Variants in CNOT10 observed in about 807,000 individuals in gnomAD.
CNOT10 encodes CCR4-NOT transcription complex subunit 10.
In CNOT10, 30 loss-of-function variants were observed where a neutral mutation model predicts 94.6. The observed-to-expected ratio is 0.32, with a 90% confidence interval of 0.24 to 0.43. The LOEUF is 0.43. Ranked by LOEUF, CNOT10 falls within the 20% of genes least tolerant of loss-of-function variation. CNOT10 has a pLI of 1.00. For synonymous variants in CNOT10, 289 were observed against 301.6 expected, an observed-to-expected ratio of 0.96 and a Z score of 0.43; for missense variants, 759 against 877.2, an observed-to-expected ratio of 0.87 and a Z score of 1.70.
chr3:32,744,238 A>G (rs1013015737), intron 13 of CNOT10, among the ~76,000 whole-genome samples: 1 of 152,196 alleles, frequency 6.6e-6, no homozygotes, highest in Non-Finnish European at 1.5e-5. Flanking sequence ...TTGAGATTTC[A>G]TCTATTTCTG....
intron 8 of CNOT10, among the ~76,000 whole-genome samples, chr3:32,725,195 A>C (rs180901267): frequency 7.2e-5 from 11 of 152,340 alleles, no homozygotes; most frequent in African/African-American, 2.6e-4. Flanking sequence ...AGGAAAAAAA[A>C]ATCCACAAAA....
chr3:32,685,198 G>T lies in CNOT10; in HGVS notation c.-263G>T, dbSNP rs965748010. ...GCCGCCCCCGGAAGTAGTGGGTACCGGGACGCCGTGAGGCGGAAGCTGTGT... is the reference window on the plus strand; with the variant it reads ...GCCGCCCCCGGAAGTAGTGGGTACCTGGACGCCGTGAGGCGGAAGCTGTGT... On this transcript the variant is annotated 5_prime_UTR_variant, in exon 1 of 19. Coordinates refer to ENST00000328834, the MANE Select transcript of CNOT10 (RefSeq NM_015442.3). The T allele has an allele frequency of 2.0e-5, 8 of 395,266 alleles. No homozygotes were observed. The highest frequency in any genetic ancestry group is 6.7e-5 in the South Asian group (2 of 29,812). The allele number at this position is 395,266 out of a possible 1,614,324, so 24.5% of individuals were successfully genotyped here. A position where few individuals can be genotyped will look rare whatever the true frequency, so the allele number is the denominator to read the frequency against.
At chr3:32,773,430 GT>G in intron 18 of CNOT10, 26 bp from the exon 19 acceptor site, 1 of 1,599,430 alleles carries the variant, frequency 6.3e-7, no homozygotes, top group Non-Finnish European at 8.5e-7. Flanking sequence ...TCTGTGCTTT[GT>G]TTTTTAACGG....
intron 14 of CNOT10, among the ~76,000 whole-genome samples, chr3:32,761,324 C>T (rs1239056693): frequency 1.3e-5 from 2 of 152,074 alleles, no homozygotes; most frequent in African/African-American, 2.4e-5. Flanking sequence ...ACTCAAAATG[C>T]CAATGTTGGG....
At chr3:32,728,831 G>T (rs753031025) in intron 10 of CNOT10, among the ~76,000 whole-genome samples, 1 of 151,470 alleles carries the variant, frequency 6.6e-6, no homozygotes, top group Middle Eastern at 3.5e-3. Context: ...GCCAGGTGCG[G>T]TGGTCACGCC....
At chr3:32,764,384 A>G in intron 15 of CNOT10, 71 bp from the exon 16 acceptor site, 1 of 1,481,280 alleles carries the variant, frequency 6.8e-7, no homozygotes, top group Non-Finnish European at 9.3e-7. Context: ...CTACCTTCTG[A>G]GCCCGAGGAG....
chr3:32,750,900 T>C (rs1270149648), intron 13 of CNOT10, among the ~76,000 whole-genome samples: 1 of 152,328 alleles, frequency 6.6e-6, no homozygotes, highest in South Asian at 2.1e-4. Flanking sequence ...GTCATGGGTA[T>C]GAACTGACTC....
At position 32,764,785 on chromosome 3, in the gene CNOT10, C is replaced by A; in HGVS notation, c.1980C>A (p.Asp660Glu). 2 of 1,614,190 alleles carry A rather than the reference C, an allele frequency of 1.2e-6. No homozygotes were observed. The highest frequency in any genetic ancestry group is 1.7e-5 in the Admixed American group (1 of 60,018). The change falls in exon 17 of 19, where the codon GAC becomes GAA. Residue 660 changes from aspartate (D) to glutamate (E), a missense_variant. Around this residue, in one of 3 missense-constraint regions of CNOT10, gnomAD observed 682 missense variants for 799.4 expected, o/e 0.85. Coordinates refer to ENST00000328834, the MANE Select transcript of CNOT10 (RefSeq NM_015442.3). ...GSAYCLRSEYDKARKCLHQAA... is the reference protein window; with the variant it reads ...GSAYCLRSEYEKARKCLHQAA... ...CTTACTGCCTGAGGAGCGAATATGA[C>A]AAAGCCCGAAAGTGTCTCCACCAGG...
intron 13 of CNOT10, among the ~76,000 whole-genome samples, chr3:32,757,575 ACTT>A (rs1458705365): frequency 1.9e-4 from 29 of 152,322 alleles, no homozygotes; most frequent in African/African-American, 5.1e-4. Flanking sequence ...TACTCAGTAT[ACTT>A]CTTGAATGAA....
intron 14 of CNOT10, among the ~76,000 whole-genome samples, chr3:32,760,443 C>G (rs1460136479): frequency 6.6e-6 from 1 of 151,972 alleles, no homozygotes; most frequent in African/African-American, 2.4e-5. Context: ...ACCAGCCCAG[C>G]CAACGTGGTA....
rs1701010372 is a variant in CNOT10 at position 32,773,816 on chromosome 3, T to C, written c.*205T>C. 1 of 509,692 alleles carries C rather than the reference T, an allele frequency of 2.0e-6. No homozygotes were observed. Among genetic ancestry groups the C allele is most frequent in the Non-Finnish European group, 3.4e-6 (1 of 296,048 alleles). The allele number at this position is 509,692 out of a possible 1,614,324, so 31.6% of individuals were successfully genotyped here. A position where few individuals can be genotyped will look rare whatever the true frequency, so the allele number is the denominator to read the frequency against. ...GTTTTTCTTAATTTCAGCCAGACTATTAATTTTGAGCCATTATGTAATATA... is the reference window on the plus strand; with the variant it reads ...GTTTTTCTTAATTTCAGCCAGACTACTAATTTTGAGCCATTATGTAATATA... On this transcript the variant is annotated 3_prime_UTR_variant, in exon 19 of 19. Coordinates refer to ENST00000328834, the MANE Select transcript of CNOT10 (RefSeq NM_015442.3).
At chr3:32,711,665 A>G (rs1007569072) in intron 4 of CNOT10, among the ~76,000 whole-genome samples, 21 of 152,338 alleles carry the variant, frequency 1.4e-4, no homozygotes, top group South Asian at 8.3e-4. Context: ...AAAAGACATT[A>G]TCCTTGCTAC....
At chr3:32,726,264 G>A (rs1698660425) in intron 9 of CNOT10, among the ~76,000 whole-genome samples, 1 of 152,100 alleles carries the variant, frequency 6.6e-6, no homozygotes, top group Admixed American at 6.6e-5. Flanking sequence ...TCTTTGCAGA[G>A]TTTTACATGT....
intron 13 of CNOT10, among the ~76,000 whole-genome samples, chr3:32,755,890 T>C (rs1309159284): frequency 6.6e-6 from 1 of 152,010 alleles, no homozygotes; most frequent in Non-Finnish European, 1.5e-5. Flanking sequence ...GAAAAGCTAG[T>C]GTCTCTTCCC....
At chr3:32,706,273 G>A (rs1259227373) in intron 3 of CNOT10, among the ~76,000 whole-genome samples, 2 of 152,134 alleles carry the variant, frequency 1.3e-5, no homozygotes, top group African/African-American at 2.4e-5. Context: ...TGACCCCATA[G>A]ACAGTTTCTT....
intron 3 of CNOT10, 123 bp downstream of exon 3, chr3:32,705,095 A>ATTAATT: frequency 1.5e-6 from 1 of 684,906 alleles, no homozygotes; most frequent in East Asian, 3.3e-5. Context: ...ATTTGTTAGC[A>ATTAATT]TTAATTTTAT....
At chr3:32,744,471 A>G (rs888126259) in intron 13 of CNOT10, among the ~76,000 whole-genome samples, 2 of 151,990 alleles carry the variant, frequency 1.3e-5, no homozygotes, top group Non-Finnish European at 2.9e-5. Flanking sequence ...GGTTTTTTTC[A>G]TTTGTACATA....
intron 13 of CNOT10, 62 bp from the exon 14 acceptor site, chr3:32,759,396 C>A: frequency 8.5e-7 from 1 of 1,179,756 alleles, no homozygotes; most frequent in Non-Finnish European, 1.2e-6. Context: ...TCCTATTTAG[C>A]AAATATAACC....
rs1175773993 is a variant in CNOT10, at chr3:32,685,325, C to T, written c.-136C>T. 1.0e-6 allele frequency: 1 copy of T among 970,540 alleles called. No individual in the cohort carries two copies. The highest frequency in any genetic ancestry group is 1.6e-6 in the Non-Finnish European group (1 of 634,124). 60.1% of individuals were successfully genotyped at this position (970,540 alleles called of 1,614,324 possible). On this transcript the variant is annotated 5_prime_UTR_variant, in exon 1 of 19. Transcript: ENST00000328834. The stretch of plus-strand genomic sequence containing the variant: ...TTCCTCAGCCCGCCGTCTGCCCACT[C>T]CTCTAGCCGGAACCTGGGGGCCCGG...
Sources: allele counts gnomAD v4.1 joint callset (sites outside exome capture counted in the v4.1 genomes callset), GRCh38; gene constraint gnomAD v4.1.1; regional missense constraint gnomAD v4.1.1; transcripts MANE v1.5; gene names NCBI Gene and HGNC (gene_info 2026-07-23, HGNC 2026-07-21).